The following MCM9 variants were observed in gnomAD, a reference collection of about 807,000 sequenced individuals.
MCM9 encodes DNA helicase MCM9.
In MCM9, 55 loss-of-function variants were observed where a neutral mutation model predicts 72.8. The ratio of observed to expected loss-of-function variants is 0.76; its 90% CI spans 0.61 to 0.95. The LOEUF (loss-of-function observed/expected upper bound fraction) is 0.95, where lower values mean the gene tolerates loss of function less well. Among genes scored for constraint, MCM9 ranks in the 40% least tolerant of loss-of-function variants. MCM9 has a pLI of 0.00. For missense variants in MCM9, 1,279 were observed against 1,377.0 expected (o/e 0.93, Z 1.13); for synonymous variants, 480 against 503.4 (o/e 0.95, Z 0.62).
intron 9 of MCM9, among the ~76,000 whole-genome samples, chr6:118,844,126 C>G (rs894994672): frequency 6.6e-6 from 1 of 151,750 alleles, no homozygotes; most frequent in African/African-American, 2.4e-5. Flanking sequence ...ACTTAACCCT[C>G]TTATCTGCTA....
At chr6:118,905,581 A>G in intron 8 of MCM9, 1 of 1,299,952 alleles carries the variant, frequency 7.7e-7, no homozygotes, top group Admixed American at 2.3e-5. Flanking sequence ...TAGGTAACTG[A>G]AACTCCAGTC....
chr6:118,917,806 C>T, intron 5 of MCM9, 45 bp from the exon 6 acceptor site: 1 of 1,521,542 alleles, frequency 6.6e-7, no homozygotes, highest in Non-Finnish European at 9.1e-7. Context: ...ATCCTGCATG[C>T]TGAGCACAGA....
chr6:118,913,337 C>T lies in MCM9; in HGVS notation c.988G>A (p.Gly330Ser). Residue 330 changes from glycine (G) to serine (S), a missense_variant, in exon 7 of 14, where the codon GGT becomes AGT. Coordinates refer to ENST00000619706, the MANE Select transcript of MCM9 (RefSeq NM_017696.3). ...GTAGCATCAGTCCTTTGAATCCCAC[C>T]AGCCAGCACCATGGCCACAGCAAGC... ...VKLAVAMVLAGGIQRTDATGT... is the reference protein window; with the variant it reads ...VKLAVAMVLASGIQRTDATGT... 1 of 1,614,134 alleles carries T rather than the reference C, an allele frequency of 6.2e-7. No individual in the cohort carries two copies. Among genetic ancestry groups the T allele is most frequent in the Non-Finnish European group, 8.5e-7 (1 of 1,180,010 alleles).
At position 118,919,633 on chromosome 6, in the gene MCM9, T is replaced by C. The variant is rs187470167; in HGVS notation, c.704-1872A>G. On this transcript the variant is annotated intron_variant, in intron 5 of 13. Coordinates refer to ENST00000619706, the MANE Select transcript of MCM9 (RefSeq NM_017696.3). ...TAATCACCAGAACAATTGTGAGGTA[T>C]ACATGATAGTCCAAGACAACAGATA... 48 of 152,344 alleles carry C rather than the reference T, an allele frequency of 3.2e-4. No homozygotes were observed. The East Asian group carries it at 8.9e-3, about 28-fold the overall frequency. 9.4% of individuals were successfully genotyped at this position (152,344 alleles called of 1,614,324 possible). A position where few individuals can be genotyped will look rare whatever the true frequency, so the allele number is the denominator to read the frequency against.
Position 118,814,693 on chromosome 6 carries a change from G to C in MCM9, c.*131C>G. 1.1e-6 allele frequency: 1 copy of C among 870,556 alleles called. No homozygotes were observed. The highest frequency in any genetic ancestry group is 3.2e-5 in the Admixed American group (1 of 31,210). 53.9% of individuals were successfully genotyped at this position (870,556 alleles called of 1,614,324 possible). A position where few individuals can be genotyped will look rare whatever the true frequency, so the allele number is the denominator to read the frequency against. On this transcript the variant is annotated 3_prime_UTR_variant, in exon 14 of 14. Coordinates refer to ENST00000619706, the MANE Select transcript of MCM9 (RefSeq NM_017696.3). ...TTAACCTGAAATTAGAAAGCCTTAA[G>C]GGGGAGCCAGTATTCAGAGTGATCC... is the stretch of plus-strand genomic sequence containing the variant.
intron 6 of MCM9, among the ~76,000 whole-genome samples, chr6:118,916,092 A>G (rs923380411): frequency 1.3e-5 from 2 of 152,046 alleles, no homozygotes; most frequent in African/African-American, 4.8e-5. Flanking sequence ...GGCTGGGCAC[A>G]GTGTAATCTC....
chr6:118,859,283 TA>T (rs1776760932), intron 8 of MCM9, among the ~76,000 whole-genome samples: 1 of 152,164 alleles, frequency 6.6e-6, no homozygotes, highest in Non-Finnish European at 1.5e-5. Flanking sequence ...ATTCAATACC[TA>T]AATGTAAAGT....
intron 8 of MCM9, among the ~76,000 whole-genome samples, chr6:118,897,948 T>A (rs1340401695): frequency 6.6e-6 from 1 of 152,200 alleles, no homozygotes; most frequent in African/African-American, 2.4e-5. Flanking sequence ...TTCCCTGAGT[T>A]GCAGCCTGTT....
In MCM9 at chr6:118,815,479, T is replaced by C. The variant is rs2114487061; in HGVS notation, c.2777A>G (p.Lys926Arg). ...PVAKLAKFTFKQKSKLIHSFE... is the reference protein window; with the variant it reads ...PVAKLAKFTFRQKSKLIHSFE... ...GGAGTGGATCAGTTTTGACTTCTGC[T>C]TGAAAGTAAATTTTGCCAGTTTGGC... is the stretch of plus-strand genomic sequence containing the variant. Residue 926 changes from lysine to arginine, a missense_variant, in exon 14 of 14, where the codon AAG becomes AGG. Transcript: ENST00000619706. 1 of 1,548,126 alleles carries C rather than the reference T, an allele frequency of 6.5e-7. No individual in the cohort carries two copies. The highest frequency in any genetic ancestry group is 1.4e-5 in the African/African-American group (1 of 72,928).
rs116296916 is a variant in MCM9 at position 118,923,615 on chromosome 6, T to C, written c.621+196A>G. Reference sequence around the variant, plus strand: ...CATTTCACTACTTTCTTGTCAATGTTCCACCTAAAAAGGATGATTGCATGG... The same window carrying C: ...CATTTCACTACTTTCTTGTCAATGTCCCACCTAAAAAGGATGATTGCATGG... On this transcript the variant is annotated intron_variant, in intron 4 of 13. Coordinates refer to ENST00000619706, the MANE Select transcript of MCM9 (RefSeq NM_017696.3). Among the ~76,000 whole-genome samples the C allele has an allele frequency of 1.8e-3, 277 of 152,364 alleles. 1 individual carries two copies. Among genetic ancestry groups the C allele is most frequent in the South Asian group, 0.01 (50 of 4,828 alleles).
intron 3 of MCM9, among the ~76,000 whole-genome samples, chr6:118,928,152 T>C (rs1017645005): frequency 3.3e-5 from 5 of 152,160 alleles, no homozygotes; most frequent in African/African-American, 4.8e-5. Flanking sequence ...TGGCTCATGC[T>C]TGTAATCCCA....
At chr6:118,930,410 C>G (rs1196460966) in intron 3 of MCM9, among the ~76,000 whole-genome samples, 3 of 152,210 alleles carry the variant, frequency 2.0e-5, no homozygotes, top group Non-Finnish European at 4.4e-5. Flanking sequence ...CCGCGCCCGG[C>G]TGCTAAATAT....
chr6:118,879,439 A>C (rs946168131), intron 8 of MCM9, among the ~76,000 whole-genome samples: 2 of 152,230 alleles, frequency 1.3e-5, no homozygotes, highest in Non-Finnish European at 2.9e-5. Flanking sequence ...AAATGCATTA[A>C]CACAAGAATA....
chr6:118,828,050 T>C lies in MCM9; in HGVS notation c.1609A>G (p.Thr537Ala), dbSNP rs1774283890. The change falls in exon 11 of 14, where the codon ACA becomes GCA. Residue 537 changes from threonine (T) to alanine (A), a missense_variant. Thr to Ala is a moderately conservative substitution (Grantham distance 58, BLOSUM62 0). Transcript: ENST00000619706. ...ACCTGATTGCCCACATCAGACAGTG[T>C]GGGCTGCAGATTCCTTATGAGGCAG... ...YFCLIRNLQP[T>A]LSDVGNQVLL... 3.2e-6 allele frequency: 5 copies of C among 1,550,786 alleles called. No homozygotes were observed. The highest frequency in any genetic ancestry group is 3.5e-6 in the Non-Finnish European group (4 of 1,147,038).
intron 8 of MCM9, among the ~76,000 whole-genome samples, chr6:118,910,262 C>T (rs1174520008): frequency 6.6e-5 from 10 of 151,590 alleles, no homozygotes; most frequent in Admixed American, 5.9e-4. Flanking sequence ...GGTTTTGACC[C>T]ACTGAATTGA....
At chr6:118,921,053 A>G (rs1169427858) in intron 5 of MCM9, 1 of 152,228 alleles carries the variant, frequency 6.6e-6, no homozygotes, top group East Asian at 1.9e-4. Flanking sequence ...ACACTGGAAC[A>G]ATCAGGCTTT....
rs537781211 is a variant in MCM9 at position 118,889,972 on chromosome 6, C to T, written c.1150+21678G>A. 8.5e-5 allele frequency among the ~76,000 whole-genome samples: 13 copies of T among 152,266 alleles called. No homozygotes were observed. The South Asian group carries it at 2.3e-3, about 27-fold the overall frequency. On this transcript the variant is annotated intron_variant, in intron 8 of 13. Transcript: ENST00000619706. ...GGGAGAGGGTACGCTATGTAACAGA[C>T]ATGGAAACCTTATAAAAAGTATAAG... is the stretch of plus-strand genomic sequence containing the variant.
At chr6:118,879,693 T>C (rs1246546215) in intron 8 of MCM9, among the ~76,000 whole-genome samples, 1 of 151,958 alleles carries the variant, frequency 6.6e-6, no homozygotes, top group Non-Finnish European at 1.5e-5. Flanking sequence ...ATGCCAATTC[T>C]TGATCTAGTG....
At chr6:118,876,053 A>G (rs1777913209) in intron 8 of MCM9, among the ~76,000 whole-genome samples, 2 of 152,254 alleles carry the variant, frequency 1.3e-5, no homozygotes, top group South Asian at 4.1e-4. Flanking sequence ...TGTTAAACAC[A>G]AATGAGCTAT....
Sources: gnomAD v4.1 joint callset for allele counts (sites outside exome capture counted in the v4.1 genomes callset) on GRCh38, gnomAD v4.1.1 for gene constraint, MANE v1.5 for transcripts, NCBI Gene and HGNC (gene_info 2026-07-23, HGNC 2026-07-21) for gene names.